Variants in ERCC2 observed in about 807,000 individuals in gnomAD.
ERCC2 encodes the protein ERCC excision repair 2, TFIIH core complex helicase subunit.
In ERCC2, 90 loss-of-function variants were observed where a neutral mutation model predicts 99.4. The observed-to-expected ratio is 0.91, with a 90% CI of 0.76 to 1.08. ERCC2 has a LOEUF of 1.08. Among genes scored for constraint, ERCC2 ranks in the 50% least tolerant of loss-of-function variants. The pLI is 0.00. For synonymous variants in ERCC2, 497 were observed against 432.4 expected (o/e 1.15, Z -1.85); for missense variants, 993 against 1,038.1 (o/e 0.96, Z 0.60).
At chr19:45,363,722 G>T (rs760825103) in intron 11 of ERCC2, 21 bp downstream of exon 11, 1 of 1,525,986 alleles carries the variant, frequency 6.6e-7, no homozygotes, top group South Asian at 1.2e-5. Context: ...CCCCCACCCC[G>T]CGCGCTGTCT....
chr19:45,358,092 CT>C lies in ERCC2; in HGVS notation c.1238-394del, dbSNP rs1356626441. 3 of 337,002 alleles carry C rather than the reference CT, an allele frequency of 8.9e-6. No homozygotes were observed. In the East Asian group the frequency reaches 2.2e-4, roughly 24 times the overall value. 20.9% of individuals were successfully genotyped at this position (337,002 alleles called of 1,614,324 possible). A position where few individuals can be genotyped will look rare whatever the true frequency, so the allele number is the denominator to read the frequency against. On this transcript the variant is annotated intron_variant, in intron 12 of 22. Coordinates refer to ENST00000391945, the MANE Select transcript of ERCC2 (RefSeq NM_000400.4). ...ATGGAGCCTCGCGCTGTCGCCCAGG[CT>C]AGAGTGCAGTGGCATGATCTCGGCT...
rs775028206 is a variant in ERCC2, at chr19:45,357,264, A to T, written c.1479+6T>A. The T allele has an allele frequency of 1.9e-6, 3 of 1,607,506 alleles. No individual in the cohort carries two copies. Among genetic ancestry groups the T allele is most frequent in the African/African-American group, 1.3e-5 (1 of 74,842 alleles). Reference sequence around the variant, plus strand: ...CCCGGCCCCAGCCCTAGCCTCTCCCACTCACCATAGGGCAGAGGCAGACCC... The same window carrying T: ...CCCGGCCCCAGCCCTAGCCTCTCCCTCTCACCATAGGGCAGAGGCAGACCC... On this transcript the variant is annotated splice_donor_region_variant and intron_variant, in intron 15 of 22. Coordinates refer to ENST00000391945, the MANE Select transcript of ERCC2 (RefSeq NM_000400.4).
intron 12 of ERCC2, 121 bp downstream of exon 12, chr19:45,361,403 C>T (rs1599739161): frequency 1.3e-6 from 1 of 782,522 alleles, no homozygotes; most frequent in Non-Finnish European, 2.3e-6. Flanking sequence ...AAATAGGGCC[C>T]ACACTTCCAA....
chr19:45,361,173 G>C (rs1214504377), intron 12 of ERCC2, among the ~76,000 whole-genome samples: 1 of 150,124 alleles, frequency 6.7e-6, no homozygotes, highest in Non-Finnish European at 1.5e-5. Context: ...CACCTTGCTT[G>C]CTAGAATCTG....
intron 15 of ERCC2, among the ~76,000 whole-genome samples, chr19:45,356,416 G>A (rs561524759): frequency 2.7e-4 from 41 of 152,282 alleles, no homozygotes; most frequent in Admixed American, 1.0e-3. Context: ...TTTTACTGCC[G>A]AAATGGGAGT....
In ERCC2 at chr19:45,352,305, C is replaced by A; in HGVS notation, c.2094G>T (p.Gln698His). The change falls in exon 22 of 23, where the codon CAG becomes CAT. Residue 698 changes from glutamine to histidine, a missense_variant. Gln to His is a conservative substitution (Grantham distance 24, BLOSUM62 0). Around this residue, in one of 3 missense-constraint regions of ERCC2, gnomAD observed 909 missense variants for 930.8 expected, o/e 0.98. Transcript: ENST00000391945. ...DKRGKLPRWI[Q>H]EHLTDANLNL... ...TGAGGTTGGCATCTGTGAGGTGCTC[C>A]TGGATCCAGCGGGGCAGCTTCCCCC... is the stretch of plus-strand genomic sequence containing the variant. 1 of 1,614,126 alleles carries A rather than the reference C, an allele frequency of 6.2e-7. No homozygotes were observed. Among genetic ancestry groups the A allele is most frequent in the Non-Finnish European group, 8.5e-7 (1 of 1,180,016 alleles).
Position 45,350,989 on chromosome 19 carries a change from T to C in ERCC2, c.*640A>G. ...GCCATGTCACTCAACACACTGAACG[T>C]GGATGCTCCAAGGGCTCCTGGGACT... is the stretch of plus-strand genomic sequence containing the variant. On this transcript the variant is annotated 3_prime_UTR_variant, in exon 23 of 23. Coordinates refer to ENST00000391945, the MANE Select transcript of ERCC2 (RefSeq NM_000400.4). 1 of 1,614,058 alleles carries C rather than the reference T, an allele frequency of 6.2e-7. No individual in the cohort carries two copies. The highest frequency in any genetic ancestry group is 1.7e-5 in the Admixed American group (1 of 60,014).
At chr19:45,363,497 T>G (rs1163846673) in intron 11 of ERCC2, among the ~76,000 whole-genome samples, 1 of 151,980 alleles carries the variant, frequency 6.6e-6, no homozygotes, top group Admixed American at 6.6e-5. Flanking sequence ...CTCTCTTGGG[T>G]GGGGGAGATT....
At chr19:45,366,697 C>T (rs566462536) in intron 5 of ERCC2, among the ~76,000 whole-genome samples, 7 of 152,286 alleles carry the variant, frequency 4.6e-5, no homozygotes, top group African/African-American at 1.7e-4. Flanking sequence ...GGCAGCCAGC[C>T]CTTCCTTCTC....
chr19:45,370,528 C>T lies in ERCC2; in HGVS notation c.5+8G>A, dbSNP rs539369345. 4 of 1,592,046 alleles carry T rather than the reference C, an allele frequency of 2.5e-6. No homozygotes were observed. Among genetic ancestry groups the T allele is most frequent in the Non-Finnish European group, 3.4e-6 (4 of 1,174,298 alleles). On this transcript the variant is annotated splice_region_variant and intron_variant, in intron 1 of 22. Coordinates refer to ENST00000391945, the MANE Select transcript of ERCC2 (RefSeq NM_000400.4). The stretch of plus-strand genomic sequence containing the variant: ...GCTAGCGAGCGCGACCCCCAGCCCC[C>T]TTCTCACTTCATGGCGCCGGCCGGA...
intron 12 of ERCC2, chr19:45,358,611 G>A (rs1972097219): frequency 3.7e-6 from 2 of 535,466 alleles, no homozygotes; most frequent in Non-Finnish European, 6.7e-6. Flanking sequence ...GTCCCCCCAG[G>A]GCCTTTATAC....
rs563069969 is a variant in ERCC2, at chr19:45,357,657, G to A, written c.1280C>T (p.Thr427Ile). 1.1e-5 allele frequency: 18 copies of A among 1,614,094 alleles called. No individual in the cohort carries two copies. The Admixed American group carries it at 1.8e-4, about 16-fold the overall frequency. Residue 427 changes from threonine to isoleucine, a missense_variant, in exon 13 of 23, where the codon ACC (threonine) becomes ATC (isoleucine). Coordinates refer to ENST00000391945, the MANE Select transcript of ERCC2 (RefSeq NM_000400.4). The stretch of plus-strand genomic sequence containing the variant: ...GAAGTGCAGGATGGGGTTGGCAATG[G>A]TCGGGGTTCTGTCGTCAAAGGGCTC... ...IIEPFDDRTP[T>I]IANPILHFSC...
At position 45,364,112 on chromosome 19, in the gene ERCC2, CTT is replaced by C; in HGVS notation, c.821_822del (p.Lys274ArgfsTer103). 1 of 1,611,164 alleles carries C rather than the reference CTT, an allele frequency of 6.2e-7. No individual in the cohort carries two copies. The highest frequency in any genetic ancestry group is 1.3e-5 in the African/African-American group (1 of 75,038). On this transcript the variant is annotated frameshift_variant, in exon 10 of 23. Coordinates refer to ENST00000391945, the MANE Select transcript of ERCC2 (RefSeq NM_000400.4). LOFTEE classifies it high-confidence loss of function. Reference sequence around the variant, plus strand: ...TCCCGCAGGCGCTGCTCGTCTGTCTCTTTGATCCTGCGGAGAGATGAGCTGGG... The same window carrying C: ...TCCCGCAGGCGCTGCTCGTCTGTCTCTGATCCTGCGGAGAGATGAGCTGGG... ...ETLQKTVLRI[K>X]ETDEQRLRDE...
At chr19:45,352,719 G>A in intron 20 of ERCC2, 27 bp downstream of exon 20, 1 of 1,613,960 alleles carries the variant, frequency 6.2e-7, no homozygotes, top group Non-Finnish European at 8.5e-7. Context: ...AACACTGTGG[G>A]ACTCCCTGGG....
chr19:45,358,624 G>A, intron 12 of ERCC2: 1 of 559,552 alleles, frequency 1.8e-6, no homozygotes. Context: ...CTTTATACTT[G>A]CTGGTCCCAT....
chr19:45,354,610 C>T, intron 17 of ERCC2, 120 bp downstream of exon 17: 7 of 1,322,754 alleles, frequency 5.3e-6, no homozygotes, highest in Non-Finnish European at 6.5e-6. Context: ...ATGCTGCACA[C>T]ACTCTCCTGT....
chr19:45,356,673 C>T (rs557158664), intron 15 of ERCC2, among the ~76,000 whole-genome samples: 2 of 152,096 alleles, frequency 1.3e-5, no homozygotes, highest in South Asian at 2.1e-4. Flanking sequence ...AGCTGGGCAT[C>T]GTGGCACATG....
chr19:45,358,794 T>C, intron 12 of ERCC2: 1 of 779,506 alleles, frequency 1.3e-6, no homozygotes, highest in Non-Finnish European at 2.4e-6. Context: ...TCTGGAATTA[T>C]TTCCTTGTTT....
At position 45,370,517 on chromosome 19, in the gene ERCC2, C is replaced by T; in HGVS notation, c.5+19G>A. 6.3e-7 allele frequency: 1 copy of T among 1,584,612 alleles called. No individual in the cohort carries two copies. Among genetic ancestry groups the T allele is most frequent in the African/African-American group, 1.3e-5 (1 of 74,250 alleles). ...CCCCCGCGCCCGCTAGCGAGCGCGA[C>T]CCCCAGCCCCCTTCTCACTTCATGG... On this transcript the variant is annotated intron_variant, in intron 1 of 22. Transcript: ENST00000391945.
Sources: gnomAD v4.1 joint callset for allele counts (sites outside exome capture counted in the v4.1 genomes callset) on GRCh38, gnomAD v4.1.1 for gene constraint, gnomAD v4.1.1 regional missense constraint, MANE v1.5 for transcripts, NCBI Gene and HGNC (gene_info 2026-07-23, HGNC 2026-07-21) for gene names.